The following NOX5 variants were observed in gnomAD, a reference collection of about 807,000 sequenced individuals.
The protein encoded by NOX5 is NADPH oxidase 5.
In NOX5, 76 loss-of-function variants were observed where a neutral mutation model predicts 85.7. That is an observed-to-expected ratio of 0.89 (90% CI 0.74 to 1.07). The LOEUF is 1.07. NOX5 is among the 50% of genes least tolerant of loss of function. The pLI is 0.00. For missense variants in NOX5, 973 were observed against 999.5 expected (o/e 0.97, Z 0.36); for synonymous variants, 405 against 401.4 (o/e 1.01, Z -0.11).
chr15:69,038,566 G>A (rs1020707103), intron 8 of NOX5, among the ~76,000 whole-genome samples: 2 of 152,150 alleles, frequency 1.3e-5, no homozygotes, highest in Admixed American at 6.5e-5. Flanking sequence ...ACAGGGATAC[G>A]TCACAGAGGG....
rs35263738 is a variant in NOX5 at position 69,038,632 on chromosome 15, A to G, written c.1372-225A>G. 2.5e-3 allele frequency among the ~76,000 whole-genome samples: 375 copies of G among 152,286 alleles called. 4 individuals are homozygous for G. The highest frequency in any genetic ancestry group is 8.8e-3 in the African/African-American group (365 of 41,558). On this transcript the variant is annotated intron_variant, in intron 8 of 15. Transcript: ENST00000388866. The stretch of plus-strand genomic sequence containing the variant: ...AGGCAGGGTAAAACCAGGGGCCCCA[A>G]TTCAGACACAGCCTGGCTGCCCCCT...
At chr15:69,031,891 C>T (rs2050439959) in intron 4 of NOX5, 79 bp downstream of exon 4, 5 of 1,427,422 alleles carry the variant, frequency 3.5e-6, no homozygotes, top group Admixed American at 2.1e-5. Context: ...GAACTCACCG[C>T]GGATCCACTC....
chr15:69,047,113 G>T, intron 11 of NOX5: 1 of 575,942 alleles, frequency 1.7e-6, no homozygotes, highest in Non-Finnish European at 3.1e-6. Flanking sequence ...ACAGTGTATA[G>T]GCCTACGTGC....
chr15:69,046,918 G>A (rs1595787288), intron 11 of NOX5, 52 bp downstream of exon 11: 4 of 1,588,220 alleles, frequency 2.5e-6, no homozygotes, highest in Non-Finnish European at 3.5e-6. Context: ...CCAACCAAAG[G>A]AAATGAAGTC....
Position 69,035,454 on chromosome 15 carries a change from A to G in NOX5, c.956A>G (p.Tyr319Cys), listed in dbSNP as rs771498464. The G allele has an allele frequency of 1.1e-5, 17 of 1,614,192 alleles. No individual in the cohort carries two copies. The highest frequency in any genetic ancestry group is 1.4e-5 in the Non-Finnish European group (16 of 1,180,020). The stretch of plus-strand genomic sequence containing the variant: ...ATCCAGTTCCACCAGCTTATGGGCT[A>G]CGTGGTAGTGGGGCTGTCCCTCGTG... ...QNIQFHQLMG[Y>C]VVVGLSLVHT... is the part of the protein sequence containing the mutation. Residue 319 changes from tyrosine (Y) to cysteine (C), a missense_variant, in exon 6 of 16, where the codon TAC (tyrosine) becomes TGC (cysteine). Tyr to Cys is a radical substitution (Grantham distance 194). Transcript: ENST00000388866.
intron 2 of NOX5, among the ~76,000 whole-genome samples, 189 bp from the exon 3 acceptor site, chr15:69,028,026 A>G (rs908300596): frequency 1.3e-5 from 2 of 152,310 alleles, no homozygotes; most frequent in South Asian, 4.1e-4. Context: ...TCCTTACTGC[A>G]GGGATCGGAA....
chr15:69,033,338 C>T (rs1206410089), intron 5 of NOX5, 61 bp downstream of exon 5: 2 of 1,522,596 alleles, frequency 1.3e-6, no homozygotes, highest in East Asian at 4.8e-5. Context: ...GTGGGCTCCT[C>T]CTAGACAGAG....
At chr15:69,022,605 G>C (rs2140247826) in intron 1 of NOX5, 1 of 177,610 alleles carries the variant, frequency 5.6e-6, no homozygotes, top group South Asian at 1.5e-4. Flanking sequence ...ATGATGTCAT[G>C]ATGAGTACCC....
rs1362056205 is a variant in NOX5 at position 69,060,475 on chromosome 15, G to A, written c.*3779G>A. On this transcript the variant is annotated 3_prime_UTR_variant, in exon 16 of 16. Transcript: ENST00000388866. ...AGTTCTCACTTTCTTATTATAAAGT[G>A]AACAGATCAAGTATGTATGCGTTTA... The A allele has an allele frequency of 6.6e-6, 1 of 152,202 alleles. No individual in the cohort carries two copies. The highest frequency in any genetic ancestry group is 1.5e-5 in the Non-Finnish European group (1 of 68,030). 9.4% of individuals were successfully genotyped at this position (152,202 alleles called of 1,614,324 possible).
chr15:69,028,412 C>T, intron 3 of NOX5, 47 bp downstream of exon 3: 2 of 1,515,732 alleles, frequency 1.3e-6, no homozygotes, highest in Non-Finnish European at 1.8e-6. Flanking sequence ...GATCAGTGGG[C>T]CTCAGTGAGA....
intron 1 of NOX5, among the ~76,000 whole-genome samples, chr15:69,017,111 C>G (rs1030061562): frequency 6.6e-6 from 1 of 151,794 alleles, no homozygotes; most frequent in African/African-American, 2.4e-5. Context: ...CTCCATAACC[C>G]CTTATTTTAA....
intron 5 of NOX5, among the ~76,000 whole-genome samples, chr15:69,033,692 C>CTTTTT (rs1567098660): frequency 1.5e-5 from 2 of 136,354 alleles, no homozygotes; most frequent in Non-Finnish European, 3.1e-5. Context: ...TTTTTTCTTT[C>CTTTTT]TTTTTTTTCT....
chr15:69,036,005 C>T (rs901858197), intron 7 of NOX5, 69 bp downstream of exon 7: 1 of 1,587,090 alleles, frequency 6.3e-7, no homozygotes, highest in Admixed American at 1.7e-5. Context: ...TCTGTGTCCC[C>T]TCTGATTTAC....
chr15:69,047,825 C>G lies in NOX5; in HGVS notation c.1818-5C>G. 6.2e-7 allele frequency: 1 copy of G among 1,614,094 alleles called. No homozygotes were observed. Among genetic ancestry groups the G allele is most frequent in the Admixed American group, 1.7e-5 (1 of 60,016 alleles). On this transcript the variant is annotated splice_region_variant and splice_polypyrimidine_tract_variant and intron_variant, in intron 12 of 15. Coordinates refer to ENST00000388866, the MANE Select transcript of NOX5 (RefSeq NM_024505.4). ...TTACAACCCCTTCCTCCTGCCTCCCCTCAGGCACCAGAAAAGAAAGCATAC... is the reference window on the plus strand; with the variant it reads ...TTACAACCCCTTCCTCCTGCCTCCCGTCAGGCACCAGAAAAGAAAGCATAC...
At chr15:69,046,523 T>A (rs1353795602) in intron 10 of NOX5, among the ~76,000 whole-genome samples, 2 of 152,260 alleles carry the variant, frequency 1.3e-5, no homozygotes, top group African/African-American at 4.8e-5. Context: ...TTTTCAGGAA[T>A]TTCATGAGCT....
At position 69,051,566 on chromosome 15, in the gene NOX5, G is replaced by C. The variant is rs189113761; in HGVS notation, c.1999+2508G>C. Among the ~76,000 whole-genome samples, 485 of 152,076 alleles carry C rather than the reference G, an allele frequency of 3.2e-3. 1 individual carries two copies. Among genetic ancestry groups the C allele is most frequent in the African/African-American group, 0.011 (466 of 41,484 alleles). On this transcript the variant is annotated intron_variant, in intron 14 of 15. Transcript: ENST00000388866. ...AGCTAATCTCATTTTTTGTAGATGAGATTTCTCCAGGTTACTCAGGCTGGT... is the reference window on the plus strand; with the variant it reads ...AGCTAATCTCATTTTTTGTAGATGACATTTCTCCAGGTTACTCAGGCTGGT...
At chr15:69,032,977 TA>T in intron 4 of NOX5, 65 bp from the exon 5 acceptor site, 2 of 1,511,162 alleles carry the variant, frequency 1.3e-6, no homozygotes, top group Admixed American at 5.0e-5. Flanking sequence ...AGGGGGTCTT[TA>T]AGTTAAGACA....
At chr15:69,015,732 C>T (rs538290618) in intron 1 of NOX5, among the ~76,000 whole-genome samples, 3 of 152,202 alleles carry the variant, frequency 2.0e-5, no homozygotes, top group South Asian at 2.1e-4. Context: ...TCTTTTGGGC[C>T]GTGGAGGGCT....
At chr15:69,038,747 A>G (rs2050553901) in intron 8 of NOX5, 110 bp from the exon 9 acceptor site, 2 of 1,450,192 alleles carry the variant, frequency 1.4e-6, no homozygotes, top group Non-Finnish European at 9.6e-7. Flanking sequence ...GTCTCGGGGC[A>G]TGCCTGTTTT....
Sources: gnomAD v4.1 joint callset for allele counts (sites outside exome capture counted in the v4.1 genomes callset) on GRCh38, gnomAD v4.1.1 for gene constraint, MANE v1.5 for transcripts, NCBI Gene and HGNC (gene_info 2026-07-23, HGNC 2026-07-21) for gene names.